Variants in SLC26A9 observed in about 807,000 individuals in gnomAD.
The protein encoded by SLC26A9 is solute carrier family 26 member 9, also known as anion transporter/exchanger protein 9.
Under a neutral mutation model 87.1 loss-of-function variants are expected in SLC26A9, and 46 were observed. The ratio of observed to expected loss-of-function variants is 0.53; its 90% CI spans 0.42 to 0.67. The LOEUF is 0.67. SLC26A9 is among the 30% of genes least tolerant of loss of function. SLC26A9 has a pLI of 0.00. For missense variants in SLC26A9, 927 were observed against 1,018.3 expected, an observed-to-expected ratio of 0.91 and a Z score of 1.22; for synonymous variants, 437 against 409.1, an observed-to-expected ratio of 1.07 and a Z score of -0.82.
intron 13 of SLC26A9, among the ~76,000 whole-genome samples, chr1:205,923,949 G>T (rs187649356): frequency 6.6e-6 from 1 of 152,262 alleles, no homozygotes; most frequent in East Asian, 1.9e-4. Context: ...AACATTCAGC[G>T]TACTCCCTGC....
At chr1:205,921,928 A>G in intron 16 of SLC26A9, 81 bp from the exon 17 acceptor site, 21 of 1,502,500 alleles carry the variant, frequency 1.4e-5, no homozygotes, top group Non-Finnish European at 1.9e-5. Context: ...AGGGGCATGG[A>G]GGGTGTAGGT....
Position 205,927,618 on chromosome 1 carries a change from G to A in SLC26A9, c.1102-13C>T. On this transcript the variant is annotated splice_polypyrimidine_tract_variant and intron_variant, in intron 9 of 20. Transcript: ENST00000367135. ...GAGCGATCATCTCCTGCAGGGAGGGGACAGGATTAGAAGCCAGTGTGGGGC... is the reference window on the plus strand; with the variant it reads ...GAGCGATCATCTCCTGCAGGGAGGGAACAGGATTAGAAGCCAGTGTGGGGC... The A allele has an allele frequency of 6.2e-7, 1 of 1,609,674 alleles. No homozygotes were observed. Among genetic ancestry groups the A allele is most frequent in the Non-Finnish European group, 8.5e-7 (1 of 1,177,528 alleles).
intron 17 of SLC26A9, among the ~76,000 whole-genome samples, chr1:205,921,000 C>A (rs1159547914): frequency 1.3e-5 from 2 of 152,238 alleles, no homozygotes; most frequent in African/African-American, 4.8e-5. Flanking sequence ...GCAGTCCGAA[C>A]ACTCTCTGTG....
At chr1:205,915,489 C>G in intron 20 of SLC26A9, 85 bp from the exon 21 acceptor site, 2 of 1,571,840 alleles carry the variant, frequency 1.3e-6, no homozygotes, top group Non-Finnish European at 1.7e-6. Context: ...AAGAGGTGAC[C>G]CTAGGAACCC....
At chr1:205,922,258 T>C (rs559310163) in intron 16 of SLC26A9, among the ~76,000 whole-genome samples, 1 of 152,316 alleles carries the variant, frequency 6.6e-6, no homozygotes, top group African/African-American at 2.4e-5. Flanking sequence ...TGCCTCAGCC[T>C]CCTGAGTAGC....
At chr1:205,940,389 C>G (rs1423371638) in intron 1 of SLC26A9, among the ~76,000 whole-genome samples, 1 of 151,922 alleles carries the variant, frequency 6.6e-6, no homozygotes. Context: ...TCAACACCAT[C>G]CAAATATTGT....
rs942885879 is a variant in SLC26A9 at position 205,917,227 on chromosome 1, C to T, written c.2328+56G>A. ...GAACGCCTTGTATTTGACAGCGACC[C>T]CATCCTTCCCCTCTTCGCCCTGCTC... On this transcript the variant is annotated intron_variant, in intron 20 of 20. Transcript: ENST00000367135. 5.0e-6 allele frequency: 8 copies of T among 1,586,898 alleles called. No homozygotes were observed. The South Asian group carries it at 6.7e-5, about 13-fold the overall frequency.
At chr1:205,925,893 G>A (rs1479626053) in intron 12 of SLC26A9, among the ~76,000 whole-genome samples, 5 of 152,198 alleles carry the variant, frequency 3.3e-5, no homozygotes, top group Admixed American at 6.5e-5. Flanking sequence ...CGGATGATGC[G>A]GTGGAGTGTG....
chr1:205,937,227 C>CG (rs1659542154), intron 1 of SLC26A9, among the ~76,000 whole-genome samples: 1 of 51,998 alleles, frequency 1.9e-5, no homozygotes, highest in Non-Finnish European at 5.0e-5. Context: ...CCCGGCAAGA[C>CG]CCCACAGGTG....
chr1:205,936,356 A>G (rs1659508630), intron 1 of SLC26A9, among the ~76,000 whole-genome samples: 1 of 152,214 alleles, frequency 6.6e-6, no homozygotes, highest in Admixed American at 6.5e-5. Context: ...CCCTTCTTGG[A>G]TAAGACATCT....
chr1:205,938,502 G>A (rs530386087), intron 1 of SLC26A9, among the ~76,000 whole-genome samples: 1 of 152,000 alleles, frequency 6.6e-6, no homozygotes, highest in African/African-American at 2.4e-5. Context: ...TGGCATTTTT[G>A]TTTTTTTATC....
intron 9 of SLC26A9, 108 bp downstream of exon 9, chr1:205,927,794 G>A (rs1163141789): frequency 2.7e-5 from 41 of 1,536,054 alleles, no homozygotes; most frequent in Middle Eastern, 2.2e-4. Flanking sequence ...CCCCACACTC[G>A]AGGCAGCCTG....
At position 205,920,168 on chromosome 1, in the gene SLC26A9, TC is replaced by T; in HGVS notation, c.2110+7del. Reference sequence around the variant, plus strand: ...TCTTTCAGTCCCTAAATGTCCTCTTTCTCTTACCATGGATGTTCACCAAGAA... The same window carrying T: ...TCTTTCAGTCCCTAAATGTCCTCTTTTCTTACCATGGATGTTCACCAAGAA... On this transcript the variant is annotated splice_region_variant and intron_variant, in intron 18 of 20. Coordinates refer to ENST00000367135, the MANE Select transcript of SLC26A9 (RefSeq NM_052934.4). 6.2e-7 allele frequency: 1 copy of T among 1,613,858 alleles called. No homozygotes were observed. Among genetic ancestry groups the T allele is most frequent in the East Asian group, 2.2e-5 (1 of 44,870 alleles).
At chr1:205,931,465 G>GTTTTTTTTTTTTTTTTTTTTTTT (rs34820138) in intron 5 of SLC26A9, among the ~76,000 whole-genome samples, 8 of 96,014 alleles carry the variant, frequency 8.3e-5, no homozygotes, top group African/African-American at 2.6e-4. Flanking sequence ...CCCTAACTTG[G>GTTTTTTTTTTTTTTTTTTTTTTT]TTTTTTTTTT....
chr1:205,924,622 A>G (rs1393043552), intron 12 of SLC26A9, 133 bp from the exon 13 acceptor site: 3 of 703,714 alleles, frequency 4.3e-6, no homozygotes, highest in Non-Finnish European at 4.6e-6. Context: ...TTCTTTAAAT[A>G]GCATTTTTTG....
Position 205,931,721 on chromosome 1 carries a change from C to T in SLC26A9, c.552+139G>A, listed in dbSNP as rs144012883. On this transcript the variant is annotated intron_variant, in intron 5 of 20. Transcript: ENST00000367135. ...ACCTCAAGTGATCCACCCTCCTCAG[C>T]CTCCCAAAGTGCTGGGATTACAGGC... 2.8e-4 allele frequency: 328 copies of T among 1,162,510 alleles called. 4 individuals are homozygous for T. The African/African-American group carries it at 3.8e-3, about 13-fold the overall frequency. 72.0% of individuals were successfully genotyped at this position (1,162,510 alleles called of 1,614,324 possible). A position where few individuals can be genotyped will look rare whatever the true frequency, so the allele number is the denominator to read the frequency against.
Position 205,921,757 on chromosome 1 carries a change from C to G in SLC26A9, c.1864G>C (p.Val622Leu), listed in dbSNP as rs34992672. Residue 622 changes from valine (V) to leucine (L), a missense_variant, in exon 17 of 21, where the codon GTG becomes CTG. Val to Leu is a conservative substitution (Grantham distance 32). Transcript: ENST00000367135. ...TCAGGGCTGAAGGTGATATAGGACA[C>G]GCTGGTGCCGTTAGCCGGGGTCTGG... ...NNQTPANGTS[V>L]SYITFSPDSS... 4,714 of 1,597,408 alleles carry G rather than the reference C, an allele frequency of 3.0e-3. 12 individuals are homozygous for G. The highest frequency in any genetic ancestry group is 3.6e-3 in the Non-Finnish European group (4,196 of 1,172,266).
chr1:205,929,975 C>T lies in SLC26A9; in HGVS notation c.634G>A (p.Gly212Ser), dbSNP rs1026268146. ...AGCACCGAAATCAGGATCTGCAGGC[C>T]GGCGGCCGTCATGAAGCCCCGGATG... is the stretch of plus-strand genomic sequence containing the variant. ...SFIRGFMTAA[G>S]LQILISVLKY... Residue 212 changes from glycine (G) to serine (S), a missense_variant, in exon 6 of 21, where the codon GGC becomes AGC. Coordinates refer to ENST00000367135, the MANE Select transcript of SLC26A9 (RefSeq NM_052934.4). 23 of 1,613,754 alleles carry T rather than the reference C, an allele frequency of 1.4e-5. No individual in the cohort carries two copies. Among genetic ancestry groups the T allele is most frequent in the Middle Eastern group, 1.6e-4 (1 of 6,080 alleles).
intron 6 of SLC26A9, 68 bp downstream of exon 6, chr1:205,929,824 A>G (rs1351016515): frequency 4.0e-6 from 6 of 1,502,954 alleles, no homozygotes; most frequent in Non-Finnish European, 5.4e-6. Flanking sequence ...ACATCTTAAA[A>G]CAGTACATCC....
Sources: gnomAD v4.1 joint callset for allele counts (sites outside exome capture counted in the v4.1 genomes callset) on GRCh38, gnomAD v4.1.1 for gene constraint, MANE v1.5 for transcripts, NCBI Gene and HGNC (gene_info 2026-07-23, HGNC 2026-07-21) for gene names.